Variants in ARB2A observed in about 807,000 individuals in gnomAD.
ARB2A encodes ARB2 cotranscriptional regulator A.
At chr5:93,703,512 C>CT in the ARB2A span, among the ~76,000 whole-genome samples, 2 of 152,326 alleles carry the variant, frequency 1.3e-5, no homozygotes, top group East Asian at 3.9e-4. Flanking sequence ...AAATAGCTAA[C>CT]TTAATGCTTT....
the ARB2A span, among the ~76,000 whole-genome samples, chr5:93,684,477 C>T: frequency 6.6e-6 from 1 of 152,136 alleles, no homozygotes; most frequent in Non-Finnish European, 1.5e-5. Context: ...TACTTATCTC[C>T]TGTTTTAAGC....
the ARB2A span, chr5:93,740,336 C>T: frequency 7.7e-5 from 39 of 503,306 alleles, no homozygotes; most frequent in African/African-American, 6.3e-4. Context: ...TGTAATGTAC[C>T]TTTAAACCAA....
the ARB2A span, among the ~76,000 whole-genome samples, chr5:93,656,448 T>G: frequency 6.6e-6 from 1 of 152,284 alleles, no homozygotes; most frequent in South Asian, 2.1e-4. Flanking sequence ...AACATAATTT[T>G]AACTGTGTAT....
chr5:93,828,183 A>T, the ARB2A span, among the ~76,000 whole-genome samples: 2 of 152,292 alleles, frequency 1.3e-5, no homozygotes, highest in South Asian at 2.1e-4. Context: ...TACCTTGGGC[A>T]GTATGGCCAC....
At chr5:93,768,961 A>T in the ARB2A span, among the ~76,000 whole-genome samples, 8 of 139,266 alleles carry the variant, frequency 5.7e-5, no homozygotes, top group Non-Finnish European at 1.0e-4. Flanking sequence ...AAATAAAACT[A>T]AAAAAAAAGG....
chr5:94,078,015 A>T, the ARB2A span, among the ~76,000 whole-genome samples: 2 of 152,232 alleles, frequency 1.3e-5, no homozygotes, highest in Non-Finnish European at 1.5e-5. Context: ...GAAACAGTAG[A>T]ATACTTCTTA....
the ARB2A span, chr5:93,740,673 C>A: frequency 6.2e-7 from 1 of 1,613,878 alleles, no homozygotes; most frequent in South Asian, 1.1e-5. Flanking sequence ...CCACTGGGAG[C>A]CCCAGTCCCA....
chr5:93,809,556 T>A, the ARB2A span, among the ~76,000 whole-genome samples: 4 of 152,022 alleles, frequency 2.6e-5, no homozygotes, highest in Non-Finnish European at 4.4e-5. Flanking sequence ...TTGATCCTCT[T>A]AGACTCAAAG....
the ARB2A span, chr5:93,805,526 C>G: frequency 7.9e-5 from 78 of 984,944 alleles, no homozygotes; most frequent in Non-Finnish European, 9.0e-5. Flanking sequence ...TGAGTATGAC[C>G]TGAGCAGTAA....
chr5:94,109,878 CTTTT>C, the ARB2A span, among the ~76,000 whole-genome samples: 2 of 96,230 alleles, frequency 2.1e-5, no homozygotes. Flanking sequence ...CTCTATACCT[CTTTT>C]TTTTTTTTTT....
the ARB2A span, among the ~76,000 whole-genome samples, chr5:93,987,018 TA>T: frequency 6.6e-6 from 1 of 151,790 alleles, no homozygotes; most frequent in East Asian, 1.9e-4. Context: ...CAATAAATAC[TA>T]AAAAAATTTA....
the ARB2A span, among the ~76,000 whole-genome samples, chr5:93,837,968 C>T: frequency 3.3e-5 from 5 of 152,090 alleles, no homozygotes; most frequent in Non-Finnish European, 7.4e-5. Context: ...TCTGTTTACT[C>T]TTTTGATAGT....
At chr5:94,095,988 C>T in the ARB2A span, among the ~76,000 whole-genome samples, 1 of 152,196 alleles carries the variant, frequency 6.6e-6, no homozygotes. Flanking sequence ...TCTATCCCAA[C>T]ATCCTCTACC....
At chr5:93,897,418 A>G in the ARB2A span, among the ~76,000 whole-genome samples, 5 of 152,046 alleles carry the variant, frequency 3.3e-5, no homozygotes, top group African/African-American at 9.6e-5. Context: ...GAAAGTTTGT[A>G]GGAGAAAATA....
the ARB2A span, among the ~76,000 whole-genome samples, chr5:94,004,176 T>A: frequency 6.6e-6 from 1 of 152,102 alleles, no homozygotes; most frequent in Non-Finnish European, 1.5e-5. Context: ...TCTCACCATA[T>A]GCAAAAATTA....
chr5:93,786,741 T>C, the ARB2A span, among the ~76,000 whole-genome samples: 1 of 152,194 alleles, frequency 6.6e-6, no homozygotes, highest in Non-Finnish European at 1.5e-5. Context: ...CTCTGCTTCT[T>C]GCATTTATTA....
chr5:93,979,440 A>G, the ARB2A span, among the ~76,000 whole-genome samples: 1 of 152,164 alleles, frequency 6.6e-6, no homozygotes, highest in Non-Finnish European at 1.5e-5. Context: ...ATTGAATTTA[A>G]TATTACAGAT....
chr5:93,803,713 T>A, the ARB2A span, among the ~76,000 whole-genome samples: 9 of 141,356 alleles, frequency 6.4e-5, no homozygotes, highest in African/African-American at 1.0e-4. Flanking sequence ...ACTTAAAAGT[T>A]AAAAAAAAAA....
At chr5:93,947,842 G>T in the ARB2A span, among the ~76,000 whole-genome samples, 1 of 151,612 alleles carries the variant, frequency 6.6e-6, no homozygotes, top group African/African-American at 2.4e-5. Flanking sequence ...CAAAGGACAT[G>T]AACTCATCAT....
Sources: gnomAD v4.1 joint callset for allele counts (sites outside exome capture counted in the v4.1 genomes callset) on GRCh38, gnomAD v4.1.1 for gene constraint, MANE v1.5 for transcripts, NCBI Gene and HGNC (gene_info 2026-07-23, HGNC 2026-07-21) for gene names.